TLL1: variants seen among roughly 807,000 people sequenced by gnomAD.
TLL1 encodes tolloid-like protein 1.
Under a neutral mutation model 128.2 loss-of-function variants are expected in TLL1, and 49 were observed. The observed-to-expected ratio is 0.38, with a 90% CI of 0.30 to 0.48. The LOEUF is 0.48. Ranked by LOEUF, TLL1 falls within the 20% of genes least tolerant of loss-of-function variation. The pLI, the probability that TLL1 is intolerant of heterozygous loss-of-function variation, is 0.96. For synonymous variants in TLL1, 454 were observed against 418.8 expected (o/e 1.08, Z -1.03); for missense variants, 1,123 against 1,242.0 (o/e 0.90, Z 1.44).
chr4:166,018,811 C>T (rs1560815002), intron 8 of TLL1, among the ~76,000 whole-genome samples: 1 of 152,136 alleles, frequency 6.6e-6, no homozygotes. Context: ...ATGACAGATG[C>T]TGCAGAGGCT....
At chr4:166,085,587 T>C (rs913145288) in intron 18 of TLL1, among the ~76,000 whole-genome samples, 10 of 152,124 alleles carry the variant, frequency 6.6e-5, no homozygotes, top group African/African-American at 2.4e-4. Flanking sequence ...CATTTATAGA[T>C]CTGTGTATGT....
In TLL1 at chr4:166,099,348, A is replaced by G; in HGVS notation, c.2728A>G (p.Asn910Asp). 6.2e-7 allele frequency: 1 copy of G among 1,613,638 alleles called. No homozygotes were observed. Residue 910 changes from asparagine to aspartate, a missense_variant, in exon 20 of 21, where the codon AAC becomes GAC. This residue lies in a region of TLL1 where 634 missense variants were observed against 672.4 expected (regional missense o/e 0.94). Transcript: ENST00000061240. ...CTCACATGCTCAGTTTGGTGATAAC[A>G]ACTACCCAGGACAGGTTGACTGTGA... is the stretch of plus-strand genomic sequence containing the variant. ...LYSHAQFGDN[N>D]YPGQVDCEWL... is the part of the protein sequence containing the mutation.
At chr4:166,014,370 A>G in intron 7 of TLL1, 66 bp from the exon 8 acceptor site, 1 of 1,607,208 alleles carries the variant, frequency 6.2e-7, no homozygotes, top group Admixed American at 1.7e-5. Context: ...AATACCTTAT[A>G]AATGTAAGGA....
chr4:166,020,994 G>A (rs1444652563), intron 8 of TLL1, among the ~76,000 whole-genome samples: 2 of 152,126 alleles, frequency 1.3e-5, no homozygotes, highest in Non-Finnish European at 2.9e-5. Flanking sequence ...ACATTTATGT[G>A]GAGGCTGTAG....
At chr4:166,037,082 C>T (rs151163748) in intron 9 of TLL1, among the ~76,000 whole-genome samples, 2,336 of 152,106 alleles carry the variant, frequency 0.015, 48 homozygotes, top group African/African-American at 0.054. Context: ...TAAATGAGTT[C>T]TTATGTAATC....
chr4:165,962,431 G>A (rs1003649737), intron 1 of TLL1, among the ~76,000 whole-genome samples: 2 of 152,166 alleles, frequency 1.3e-5, no homozygotes, highest in African/African-American at 4.8e-5. Context: ...ACAGGTGTTG[G>A]CTGTGCTGGC....
At chr4:165,945,184 G>A (rs1402555223) in intron 1 of TLL1, among the ~76,000 whole-genome samples, 2 of 152,110 alleles carry the variant, frequency 1.3e-5, no homozygotes, top group Non-Finnish European at 2.9e-5. Context: ...CTTGCCTGAT[G>A]CCACTGAAAC....
chr4:165,993,782 G>A lies in TLL1; in HGVS notation c.362-599G>A, dbSNP rs570067650. On this transcript the variant is annotated intron_variant, in intron 3 of 20. Transcript: ENST00000061240. ...GAATAGAATGCATTTTGTTCGTGTT[G>A]TGTACTGACCTCTAAATCATGCTGC... Among the ~76,000 whole-genome samples the A allele has an allele frequency of 3.9e-5, 6 of 152,252 alleles. No individual in the cohort carries two copies. In the South Asian group the frequency reaches 1.2e-3, roughly 32 times the overall value.
chr4:166,020,065 G>A (rs140915973), intron 8 of TLL1, among the ~76,000 whole-genome samples: 172 of 152,236 alleles, frequency 1.1e-3, no homozygotes, highest in African/African-American at 3.9e-3. Flanking sequence ...GCATTGTTGT[G>A]TTAAGAAAGA....
At chr4:165,896,937 A>C (rs1426642676) in intron 1 of TLL1, among the ~76,000 whole-genome samples, 3 of 152,082 alleles carry the variant, frequency 2.0e-5, no homozygotes, top group East Asian at 1.9e-4. Flanking sequence ...TTTAATGATC[A>C]CTATTCTAAT....
chr4:165,886,757 C>G (rs1731179363), intron 1 of TLL1, among the ~76,000 whole-genome samples: 1 of 151,864 alleles, frequency 6.6e-6, no homozygotes, highest in Non-Finnish European at 1.5e-5. Context: ...ATTTTTTAAC[C>G]ATTGCATTTA....
In TLL1 at chr4:166,100,735, C is replaced by T; in HGVS notation, c.2908-7C>T. ...TTTACTTGCTTGTTGTTTTTGTTTT[C>T]CTTCAGCCACCAGAAGAGATTTATT... On this transcript the variant is annotated splice_region_variant and splice_polypyrimidine_tract_variant and intron_variant, in intron 20 of 20. Transcript: ENST00000061240. The T allele has an allele frequency of 6.2e-7, 1 of 1,612,528 alleles. No individual in the cohort carries two copies. Among genetic ancestry groups the T allele is most frequent in the Non-Finnish European group, 8.5e-7 (1 of 1,179,076 alleles).
In TLL1 at chr4:165,989,372, T is replaced by G. The variant is rs762789125; in HGVS notation, c.170-9T>G. 1.3e-6 allele frequency: 2 copies of G among 1,594,764 alleles called. No homozygotes were observed. The highest frequency in any genetic ancestry group is 4.5e-5 in the East Asian group (2 of 44,690). On this transcript the variant is annotated splice_polypyrimidine_tract_variant and intron_variant, in intron 1 of 20. Coordinates refer to ENST00000061240, the MANE Select transcript of TLL1 (RefSeq NM_012464.5). ...ATTTTACATTTTAATTCAACTTTTC[T>G]TTTTTTAGCTGTATTTTGGGGCGAT...
chr4:166,093,881 C>T (rs1313335954), intron 19 of TLL1, among the ~76,000 whole-genome samples: 3 of 152,132 alleles, frequency 2.0e-5, no homozygotes, highest in Non-Finnish European at 4.4e-5. Context: ...CCCTAGATCC[C>T]TTAAACCTTG....
At chr4:166,097,728 T>C (rs1742088472) in intron 19 of TLL1, among the ~76,000 whole-genome samples, 4 of 152,132 alleles carry the variant, frequency 2.6e-5, no homozygotes. Context: ...CTAACCATCT[T>C]CACTAAGGAC....
chr4:166,062,938 C>A (rs1484150663), intron 15 of TLL1, among the ~76,000 whole-genome samples: 10 of 152,078 alleles, frequency 6.6e-5, no homozygotes, highest in South Asian at 6.2e-4. Flanking sequence ...AGGGCTGTTG[C>A]ATTTTGTCAA....
At chr4:166,022,930 A>T (rs893989864) in intron 8 of TLL1, among the ~76,000 whole-genome samples, 3 of 152,194 alleles carry the variant, frequency 2.0e-5, no homozygotes, top group Admixed American at 1.3e-4. Flanking sequence ...TTATGCTTTT[A>T]CTTTCCCTAA....
At chr4:166,045,733 G>T (rs188090817) in intron 12 of TLL1, among the ~76,000 whole-genome samples, 3 of 151,968 alleles carry the variant, frequency 2.0e-5, no homozygotes, top group African/African-American at 7.3e-5. Flanking sequence ...GTGTCAGCTC[G>T]TCTCGCCCTC....
At chr4:166,066,995 T>C (rs1356601825) in intron 16 of TLL1, among the ~76,000 whole-genome samples, 11 of 151,810 alleles carry the variant, frequency 7.2e-5, no homozygotes, top group Non-Finnish European at 1.5e-4. Context: ...AGGTTACTTA[T>C]CTTAAAGCTA....
Sources: allele counts gnomAD v4.1 joint callset (sites outside exome capture counted in the v4.1 genomes callset), GRCh38; gene constraint gnomAD v4.1.1; regional missense constraint gnomAD v4.1.1; transcripts MANE v1.5; gene names NCBI Gene and HGNC (gene_info 2026-07-23, HGNC 2026-07-21).